Variants in NRROS observed in about 807,000 individuals in gnomAD.
NRROS encodes transforming growth factor beta activator LRRC33.
In NRROS, 6 loss-of-function variants were observed where a neutral mutation model predicts 12.0. The observed-to-expected ratio is 0.50, with a 90% confidence interval of 0.27 to 0.98. NRROS has a LOEUF of 0.98. Among genes scored for constraint, NRROS ranks in the 50% least tolerant of loss-of-function variants. The pLI is 0.11. For synonymous variants in NRROS, 462 were observed against 410.2 expected (o/e 1.13, Z -1.53); for missense variants, 857 against 888.2 (o/e 0.96, Z 0.45).
intron 2 of NRROS, among the ~76,000 whole-genome samples, chr3:196,659,124 TC>T (rs1330028486): frequency 1.3e-5 from 2 of 152,120 alleles, no homozygotes; most frequent in South Asian, 4.1e-4. Flanking sequence ...GCCTCGTCCC[TC>T]CCGCCTCCTT....
intron 1 of NRROS, among the ~76,000 whole-genome samples, chr3:196,649,692 CG>C (rs1445345966): frequency 1.3e-5 from 2 of 152,146 alleles, no homozygotes; most frequent in African/African-American, 4.8e-5. Context: ...AGGATGGTCT[CG>C]ATCTCCTGAC....
intron 1 of NRROS, among the ~76,000 whole-genome samples, chr3:196,649,661 C>T (rs1484603946): frequency 2.0e-5 from 3 of 152,052 alleles, no homozygotes; most frequent in Admixed American, 6.6e-5. Flanking sequence ...TTAGTAGAGA[C>T]GGGGTTTCAC....
intron 1 of NRROS, among the ~76,000 whole-genome samples, chr3:196,644,136 C>A (rs1737259087): frequency 6.6e-6 from 1 of 152,198 alleles, no homozygotes; most frequent in African/African-American, 2.4e-5. Flanking sequence ...TCCAAATCCC[C>A]AGTTTTCTTC....
chr3:196,658,121 A>G (rs1380873957), intron 2 of NRROS, among the ~76,000 whole-genome samples: 9 of 152,246 alleles, frequency 5.9e-5, no homozygotes, highest in African/African-American at 1.9e-4. Context: ...CCACTGTGCT[A>G]TTCATGAGAT....
chr3:196,659,793 G>A lies in NRROS; in HGVS notation c.150G>A (p.Ser50=), dbSNP rs1241561622. ...ACTGCCGAGGGCAGAGCCTCGCTTC[G>A]GTGCCCAGCAGCCTCCCGCCCCACG... The part of the protein sequence containing the change: ...AADCRGQSLA[S]VPSSLPPHAR... Residue 50 remains serine (S), a synonymous_variant, in exon 3 of 3, where the codon TCG becomes TCA. Transcript: ENST00000328557. The A allele has an allele frequency of 1.2e-6, 2 of 1,613,372 alleles. No individual in the cohort carries two copies. Among genetic ancestry groups the A allele is most frequent in the East Asian group, 4.5e-5 (2 of 44,848 alleles).
intron 2 of NRROS, among the ~76,000 whole-genome samples, chr3:196,657,284 G>A (rs922714196): frequency 8.6e-5 from 13 of 151,988 alleles, no homozygotes; most frequent in African/African-American, 2.7e-4. Flanking sequence ...TCACTTCAGC[G>A]GGGCCACAGG....
chr3:196,656,341 T>C (rs1037255104), intron 2 of NRROS, among the ~76,000 whole-genome samples: 8 of 152,212 alleles, frequency 5.3e-5, no homozygotes, highest in Non-Finnish European at 1.2e-4. Context: ...CTATAACCAC[T>C]GTGCTAGAGT....
chr3:196,643,739 G>C (rs1737251783), intron 1 of NRROS, among the ~76,000 whole-genome samples: 1 of 152,198 alleles, frequency 6.6e-6, no homozygotes, highest in Admixed American at 6.5e-5. Flanking sequence ...ATGGACTCCT[G>C]CTGATCCTCC....
At chr3:196,648,808 G>A (rs918446546) in intron 1 of NRROS, among the ~76,000 whole-genome samples, 5 of 147,882 alleles carry the variant, frequency 3.4e-5, no homozygotes, top group African/African-American at 5.0e-5. Context: ...ATCCACTCAA[G>A]GTTCATTCAC....
chr3:196,640,254 C>A (rs1222327612), intron 1 of NRROS, among the ~76,000 whole-genome samples: 2 of 152,140 alleles, frequency 1.3e-5, no homozygotes, highest in African/African-American at 2.4e-5. Flanking sequence ...CAGAGATGCT[C>A]CCTCCCTGGG....
At chr3:196,651,782 A>C (rs1737433016) in intron 1 of NRROS, among the ~76,000 whole-genome samples, 1 of 152,060 alleles carries the variant, frequency 6.6e-6, no homozygotes, top group Non-Finnish European at 1.5e-5. Flanking sequence ...ACAAAACAAA[A>C]CGAACAAAAA....
At position 196,654,919 on chromosome 3, in the gene NRROS, G is replaced by A. The variant is rs559795641; in HGVS notation, c.108+272G>A. ...GAGACCAGCCTAGGGCATCCTCCCG[G>A]AACAAGAACAACTTGTTAAAAATCT... On this transcript the variant is annotated intron_variant, in intron 2 of 2. Coordinates refer to ENST00000328557, the MANE Select transcript of NRROS (RefSeq NM_198565.3). This position sits in a 1 kb window ranked among gnomAD's most constrained non-coding sequence, Gnocchi z 4.4. 109 of 361,472 alleles carry A rather than the reference G, an allele frequency of 3.0e-4. No homozygotes were observed. Among genetic ancestry groups the A allele is most frequent in the African/African-American group, 2.0e-3 (94 of 47,192 alleles). 22.4% of individuals were successfully genotyped at this position (361,472 alleles called of 1,614,324 possible). A position where few individuals can be genotyped will look rare whatever the true frequency, so the allele number is the denominator to read the frequency against.
chr3:196,647,394 G>C (rs2108636952), intron 1 of NRROS, among the ~76,000 whole-genome samples: 2 of 152,284 alleles, frequency 1.3e-5, no homozygotes, highest in Middle Eastern at 6.8e-3. Context: ...TTAAGAGAAA[G>C]CTAGAGAAGC....
chr3:196,659,793 G>C lies in NRROS; in HGVS notation c.150G>C (p.Ser50=). The stretch of plus-strand genomic sequence containing the variant: ...ACTGCCGAGGGCAGAGCCTCGCTTC[G>C]GTGCCCAGCAGCCTCCCGCCCCACG... ...AADCRGQSLA[S]VPSSLPPHAR... is the part of the protein sequence containing the mutation. The change falls in exon 3 of 3, where the codon TCG becomes TCC. Residue 50 remains serine (S), a synonymous_variant. Transcript: ENST00000328557. 3.1e-6 allele frequency: 5 copies of C among 1,613,372 alleles called. No individual in the cohort carries two copies. Among genetic ancestry groups the C allele is most frequent in the Non-Finnish European group, 4.2e-6 (5 of 1,179,680 alleles).
rs1247736877 is a variant in NRROS, at chr3:196,655,721, C to T, written c.108+1074C>T. 5.3e-5 allele frequency among the ~76,000 whole-genome samples: 8 copies of T among 152,228 alleles called. No homozygotes were observed. In the South Asian group the frequency reaches 1.0e-3, roughly 20 times the overall value. On this transcript the variant is annotated intron_variant, in intron 2 of 2. Coordinates refer to ENST00000328557, the MANE Select transcript of NRROS (RefSeq NM_198565.3). ...CATGCCACTCTGCAGAGCGGCAGCC[C>T]GGACCACGCTCAGGCTAAGAAGACC...
intron 1 of NRROS, among the ~76,000 whole-genome samples, chr3:196,652,741 G>T (rs538423223): frequency 2.0e-5 from 3 of 152,082 alleles, no homozygotes; most frequent in African/African-American, 4.8e-5. Flanking sequence ...TTGCCTTTTC[G>T]CTGAGGGACC....
At chr3:196,646,971 T>G (rs1478789491) in intron 1 of NRROS, among the ~76,000 whole-genome samples, 1 of 152,244 alleles carries the variant, frequency 6.6e-6, no homozygotes, top group African/African-American at 2.4e-5. Context: ...TTTCCTTTCC[T>G]TGATATTATT....
intron 1 of NRROS, among the ~76,000 whole-genome samples, chr3:196,649,356 A>G (rs1470421526): frequency 3.9e-5 from 6 of 152,198 alleles, no homozygotes; most frequent in African/African-American, 1.2e-4. Context: ...GGAGGCCTCC[A>G]TCCGGCACCG....
At chr3:196,647,748 G>A (rs540482811) in intron 1 of NRROS, among the ~76,000 whole-genome samples, 2 of 152,270 alleles carry the variant, frequency 1.3e-5, no homozygotes, top group South Asian at 2.1e-4. Context: ...TAGTAGAGAC[G>A]GGGTTTCACC....
Sources: gnomAD v4.1 joint callset for allele counts (sites outside exome capture counted in the v4.1 genomes callset) on GRCh38, gnomAD v4.1.1 for gene constraint, Gnocchi (gnomAD v3.1) non-coding constraint, MANE v1.5 for transcripts, NCBI Gene and HGNC (gene_info 2026-07-23, HGNC 2026-07-21) for gene names.